The following RNF111 variants were observed in gnomAD, a reference collection of about 807,000 sequenced individuals.
RNF111 encodes the protein ring finger protein 111, also known as E3 ubiquitin-protein ligase Arkadia.
RNF111 carries 17 observed loss-of-function variants against 95.1 expected under a neutral mutation model. The ratio of observed to expected loss-of-function variants is 0.18; its 90% CI spans 0.12 to 0.27. RNF111 has a LOEUF of 0.27. RNF111 is among the 10% of genes least tolerant of loss of function. The pLI is 1.00. For synonymous variants in RNF111, 440 were observed against 414.8 expected, an observed-to-expected ratio of 1.06 and a Z score of -0.74; for missense variants, 1,189 against 1,210.4, an observed-to-expected ratio of 0.98 and a Z score of 0.26.
At chr15:59,042,171 A>T (rs1302982720) in intron 2 of RNF111, among the ~76,000 whole-genome samples, 1 of 151,806 alleles carries the variant, frequency 6.6e-6, no homozygotes, top group Non-Finnish European at 1.5e-5. Flanking sequence ...GTCACCCAGG[A>T]TGGAGTGCAG....
chr15:59,020,342 A>G (rs1429278020), intron 1 of RNF111, among the ~76,000 whole-genome samples: 1 of 151,886 alleles, frequency 6.6e-6, no homozygotes. Flanking sequence ...CTTATTTAGT[A>G]TACATTTCAG....
chr15:59,031,307 C>G lies in RNF111; in HGVS notation c.485C>G (p.Ser162Cys), dbSNP rs769340593. Residue 162 changes from serine (S) to cysteine (C), a missense_variant, in exon 2 of 14, where the codon TCT becomes TGT. Around this residue, in one of 2 missense-constraint regions of RNF111, gnomAD observed 1,024 missense variants for 925.9 expected, o/e 1.11. Transcript: ENST00000348370. ...TVTSDEDKEV[S>C]VRHSQTILNA... ...ACTTCAGATGAGGATAAAGAAGTCT[C>G]TGTAAGACATTCCCAGACCATTTTG... is the stretch of plus-strand genomic sequence containing the variant. 1 of 1,614,140 alleles carries G rather than the reference C, an allele frequency of 6.2e-7. No individual in the cohort carries two copies. Among genetic ancestry groups the G allele is most frequent in the South Asian group, 1.1e-5 (1 of 91,070 alleles).
chr15:59,041,186 C>T (rs1216535078), intron 2 of RNF111, among the ~76,000 whole-genome samples: 1 of 152,070 alleles, frequency 6.6e-6, no homozygotes, highest in Non-Finnish European at 1.5e-5. Context: ...ATGGTTGTAC[C>T]AGTTTGTTCA....
At chr15:59,025,613 TA>T (rs2040561703) in intron 1 of RNF111, among the ~76,000 whole-genome samples, 1 of 152,192 alleles carries the variant, frequency 6.6e-6, no homozygotes, top group East Asian at 1.9e-4. Context: ...GTACAGGTAT[TA>T]TTTTTTTCAC....
intron 1 of RNF111, among the ~76,000 whole-genome samples, chr15:58,999,011 C>G (rs1461851001): frequency 6.6e-6 from 1 of 152,080 alleles, no homozygotes; most frequent in African/African-American, 2.4e-5. Flanking sequence ...GTTTCAAATT[C>G]CACATTGCAA....
chr15:59,003,495 C>G (rs1437637331), intron 1 of RNF111, among the ~76,000 whole-genome samples: 2 of 152,164 alleles, frequency 1.3e-5, no homozygotes, highest in African/African-American at 4.8e-5. Flanking sequence ...ACCTCCTAGG[C>G]TCAAACCATC....
chr15:59,058,767 A>G (rs2042307634), intron 5 of RNF111: 1 of 481,704 alleles, frequency 2.1e-6, no homozygotes, highest in South Asian at 2.7e-5. Flanking sequence ...TAGCTCAAAT[A>G]AGAGAGCTTG....
chr15:59,037,352 C>T (rs1421637247), intron 2 of RNF111, among the ~76,000 whole-genome samples: 1 of 152,100 alleles, frequency 6.6e-6, no homozygotes, highest in Non-Finnish European at 1.5e-5. Context: ...TGCAATATGT[C>T]AAGAACTCCA....
intron 1 of RNF111, among the ~76,000 whole-genome samples, chr15:58,997,140 T>C (rs1270167909): frequency 6.6e-6 from 1 of 152,156 alleles, no homozygotes; most frequent in African/African-American, 2.4e-5. Flanking sequence ...ATTTATAAGG[T>C]ACAAAGAATG....
chr15:59,010,759 G>A (rs536317590), intron 1 of RNF111, among the ~76,000 whole-genome samples: 39 of 152,196 alleles, frequency 2.6e-4, no homozygotes, highest in African/African-American at 9.4e-4. Flanking sequence ...CCTGCTTGAA[G>A]GTAATGGAAA....
At position 59,052,367 on chromosome 15, in the gene RNF111, G is replaced by A. The variant is rs1480938065; in HGVS notation, c.943G>A (p.Glu315Lys). ...CTCCACTCCCCAGGTTACTGCCAAT[G>A]AAGAAATTAATGTTACCTCAACTGA... Reference protein sequence around the residue: ...ASSTPQVTANEEINVTSTDSE... With the variant: ...ASSTPQVTANKEINVTSTDSE... The change falls in exon 3 of 14, where the codon GAA becomes AAA. Residue 315 changes from glutamate to lysine, a missense_variant. Physicochemically the swap from Glu to Lys is moderately conservative, Grantham distance 56. Coordinates refer to ENST00000348370, the MANE Select transcript of RNF111 (RefSeq NM_017610.8). The A allele has an allele frequency of 6.2e-7, 1 of 1,606,830 alleles. No individual in the cohort carries two copies. The highest frequency in any genetic ancestry group is 8.5e-7 in the Non-Finnish European group (1 of 1,176,948).
chr15:59,096,554 C>G lies in RNF111; in HGVS notation c.*1654C>G, dbSNP rs2079179434. 1 of 152,964 alleles carries G rather than the reference C, an allele frequency of 6.5e-6. No homozygotes were observed. The highest frequency in any genetic ancestry group is 1.5e-5 in the Non-Finnish European group (1 of 68,330). The allele number at this position is 152,964 out of a possible 1,614,324, so 9.5% of individuals were successfully genotyped here. On this transcript the variant is annotated 3_prime_UTR_variant, in exon 14 of 14. Coordinates refer to ENST00000348370, the MANE Select transcript of RNF111 (RefSeq NM_017610.8). ...GACATTTATATTCATTCAGTTATGACTACTTGCCCTTTTCTTCATATTAGT... is the reference window on the plus strand; with the variant it reads ...GACATTTATATTCATTCAGTTATGAGTACTTGCCCTTTTCTTCATATTAGT...
chr15:59,078,122 T>G (rs1397937618), intron 7 of RNF111, among the ~76,000 whole-genome samples: 3 of 152,226 alleles, frequency 2.0e-5, no homozygotes, highest in Non-Finnish European at 4.4e-5. Context: ...GGATAAGTTA[T>G]TTAATCTCTC....
At chr15:59,087,758 C>G (rs1277684861) in intron 10 of RNF111, among the ~76,000 whole-genome samples, 1 of 152,058 alleles carries the variant, frequency 6.6e-6, no homozygotes, top group African/African-American at 2.4e-5. Flanking sequence ...GGCAGAAAAT[C>G]TACATGTAAG....
chr15:59,047,498 CACAA>C (rs1475353165), intron 2 of RNF111, among the ~76,000 whole-genome samples: 24 of 152,200 alleles, frequency 1.6e-4, no homozygotes, highest in African/African-American at 5.3e-4. Context: ...CTTTCTCAAA[CACAA>C]ACAGACAAAA....
At position 59,068,424 on chromosome 15, in the gene RNF111, T is replaced by G. The variant is rs1156939439; in HGVS notation, c.1686+1341T>G. ...AAGTTCAAGACCAGCCTGGCCAACATGGTGAAATCCCATTTCTACTAAAAT... is the reference window on the plus strand; with the variant it reads ...AAGTTCAAGACCAGCCTGGCCAACAGGGTGAAATCCCATTTCTACTAAAAT... On this transcript the variant is annotated intron_variant, in intron 6 of 13. Transcript: ENST00000348370. Among the ~76,000 whole-genome samples the G allele has an allele frequency of 6.6e-5, 10 of 152,038 alleles. No homozygotes were observed. In the East Asian group the frequency reaches 1.9e-3, roughly 29 times the overall value.
chr15:58,989,379 ATCTC>A (rs1440311791), intron 1 of RNF111, among the ~76,000 whole-genome samples: 2 of 152,198 alleles, frequency 1.3e-5, no homozygotes, highest in Non-Finnish European at 2.9e-5. Context: ...TGACTTTATC[ATCTC>A]TCTCCTGCTC....
intron 1 of RNF111, among the ~76,000 whole-genome samples, chr15:59,015,012 G>A (rs1567212026): frequency 6.6e-6 from 1 of 152,186 alleles, no homozygotes; most frequent in Non-Finnish European, 1.5e-5. Context: ...GCCTCCGTAA[G>A]TGCTGGGATA....
chr15:59,037,562 C>A (rs369226007), intron 2 of RNF111, among the ~76,000 whole-genome samples: 1 of 152,184 alleles, frequency 6.6e-6, no homozygotes, highest in African/African-American at 2.4e-5. Context: ...TATTGCCGGG[C>A]GTGGTGGCTC....
Sources: gnomAD v4.1 joint callset for allele counts (sites outside exome capture counted in the v4.1 genomes callset) on GRCh38, gnomAD v4.1.1 for gene constraint, gnomAD v4.1.1 regional missense constraint, MANE v1.5 for transcripts, NCBI Gene and HGNC (gene_info 2026-07-23, HGNC 2026-07-21) for gene names.